BPTF: variants seen among roughly 807,000 people sequenced by gnomAD.
The protein encoded by BPTF is nucleosome-remodeling factor subunit BPTF.
In BPTF, 18 loss-of-function variants were observed where a neutral mutation model predicts 292.5. That is an observed-to-expected ratio of 0.06 (90% CI 0.04 to 0.09). BPTF has a LOEUF of 0.09. Among genes scored for constraint, BPTF ranks in the 10% least tolerant of loss-of-function variants. BPTF has a pLI of 1.00. For synonymous variants in BPTF, 1,225 were observed against 1,251.9 expected (o/e 0.98, Z 0.45); for missense variants, 2,726 against 3,498.7 (o/e 0.78, Z 5.57).
At chr17:67,923,268 G>A (rs546671293) in intron 14 of BPTF, among the ~76,000 whole-genome samples, 1 of 151,878 alleles carries the variant, frequency 6.6e-6, no homozygotes, top group African/African-American at 2.4e-5. Flanking sequence ...ATGTTGTTCA[G>A]GCTGATCTTG....
At chr17:67,968,289 A>G (rs1214919230) in intron 26 of BPTF, among the ~76,000 whole-genome samples, 1 of 151,444 alleles carries the variant, frequency 6.6e-6, no homozygotes, top group Non-Finnish European at 1.5e-5. Flanking sequence ...AAATAAATGA[A>G]AACTATCTCT....
chr17:67,953,188 C>T (rs781931030), intron 23 of BPTF, among the ~76,000 whole-genome samples: 2 of 151,666 alleles, frequency 1.3e-5, no homozygotes, highest in African/African-American at 2.4e-5. Flanking sequence ...GTCTCGATCT[C>T]CTGACCTTGT....
chr17:67,944,617 A>G, intron 20 of BPTF: 2 of 531,122 alleles, frequency 3.8e-6, no homozygotes, highest in South Asian at 4.2e-5. Context: ...GGCAAAAATA[A>G]TGGTTATCTT....
intron 2 of BPTF, 65 bp from the exon 3 acceptor site, chr17:67,866,399 G>A (rs995667501): frequency 4.4e-5 from 56 of 1,273,258 alleles, no homozygotes; most frequent in Non-Finnish European, 5.7e-5. Context: ...TCACTGGGTA[G>A]ATGAACTGTC....
Position 67,829,093 on chromosome 17 carries a change from T to C in BPTF, c.613+2756T>C, listed in dbSNP as rs115531375. On this transcript the variant is annotated intron_variant, in intron 1 of 27. Transcript: ENST00000306378. Reference sequence around the variant, plus strand: ...TTTAGGAAACTAAAAATTGGTCTAATTGTTTTTTGTTTTTGTTTTTTGTTG... The same window carrying C: ...TTTAGGAAACTAAAAATTGGTCTAACTGTTTTTTGTTTTTGTTTTTTGTTG... Among the ~76,000 whole-genome samples the C allele has an allele frequency of 4.4e-3, 648 of 147,174 alleles. 5 individuals carry two copies. Among genetic ancestry groups the C allele is most frequent in the African/African-American group, 0.015 (606 of 41,090 alleles).
At chr17:67,938,374 A>G (rs971841649) in intron 18 of BPTF, among the ~76,000 whole-genome samples, 27 of 152,316 alleles carry the variant, frequency 1.8e-4, no homozygotes, top group Admixed American at 6.5e-5. Context: ...TGGCCACACT[A>G]TGTTATGCTG....
intron 23 of BPTF, among the ~76,000 whole-genome samples, chr17:67,954,818 A>G (rs2066765280): frequency 6.6e-6 from 1 of 152,214 alleles, no homozygotes; most frequent in Admixed American, 6.5e-5. Flanking sequence ...ATGAAACTCA[A>G]GGTTTTCTTT....
intron 6 of BPTF, 65 bp from the exon 7 acceptor site, chr17:67,893,969 C>A: frequency 6.3e-7 from 1 of 1,578,500 alleles, no homozygotes; most frequent in Non-Finnish European, 8.7e-7. Context: ...AAAGTTACAA[C>A]TATTGTGCTT....
At chr17:67,908,499 T>C (rs1353350411) in intron 9 of BPTF, among the ~76,000 whole-genome samples, 1 of 148,666 alleles carries the variant, frequency 6.7e-6, no homozygotes, top group African/African-American at 2.5e-5. Flanking sequence ...CACTTTTTTT[T>C]TTTTTTTTTT....
chr17:67,830,620 T>G (rs1356292103), intron 1 of BPTF, among the ~76,000 whole-genome samples: 4 of 142,646 alleles, frequency 2.8e-5, no homozygotes, highest in South Asian at 2.4e-4. Flanking sequence ...AAAGGCAGAT[T>G]GAGGGAGGGA....
intron 23 of BPTF, among the ~76,000 whole-genome samples, chr17:67,952,937 A>G (rs1276178747): frequency 6.6e-6 from 1 of 152,104 alleles, no homozygotes; most frequent in Non-Finnish European, 1.5e-5. Context: ...CTTTGAATAT[A>G]TCAATAAAGT....
At chr17:67,844,986 A>C (rs918639760) in intron 1 of BPTF, among the ~76,000 whole-genome samples, 1 of 151,488 alleles carries the variant, frequency 6.6e-6, no homozygotes, top group Non-Finnish European at 1.5e-5. Context: ...CAAGTAATCC[A>C]TCCGCCTCAG....
chr17:67,939,771 T>A (rs2065218046), intron 18 of BPTF, among the ~76,000 whole-genome samples: 1 of 152,196 alleles, frequency 6.6e-6, no homozygotes, highest in Admixed American at 6.5e-5. Context: ...TCCCAGCTAC[T>A]CGGGAGGCTC....
chr17:67,909,848 T>TG, intron 10 of BPTF, 87 bp downstream of exon 10: 1 of 1,135,776 alleles, frequency 8.8e-7, no homozygotes, highest in Non-Finnish European at 1.2e-6. Flanking sequence ...TACTGCGTTG[T>TG]GTTTTCTTGA....
intron 6 of BPTF, 131 bp downstream of exon 6, chr17:67,893,856 A>G (rs532389617): frequency 9.9e-5 from 111 of 1,122,104 alleles, no homozygotes; most frequent in Admixed American, 6.9e-4. Flanking sequence ...CAGACAGGAC[A>G]TTAGAGGCAT....
chr17:67,899,926 G>T (rs184002261), intron 7 of BPTF, among the ~76,000 whole-genome samples: 1 of 152,256 alleles, frequency 6.6e-6, no homozygotes, highest in Admixed American at 6.5e-5. Flanking sequence ...TAGCACAAAA[G>T]TATTGATTGC....
At chr17:67,925,814 C>A (rs1441883443) in intron 15 of BPTF, among the ~76,000 whole-genome samples, 1 of 140,378 alleles carries the variant, frequency 7.1e-6, no homozygotes, top group African/African-American at 2.8e-5. Context: ...TACTATAGGT[C>A]CTTATCTTCA....
intron 11 of BPTF, among the ~76,000 whole-genome samples, chr17:67,917,710 G>A (rs1355021304): frequency 1.3e-5 from 2 of 151,972 alleles, no homozygotes; most frequent in Non-Finnish European, 2.9e-5. Context: ...TTGGCTCACT[G>A]CAGCCTCTGC....
intron 8 of BPTF, among the ~76,000 whole-genome samples, chr17:67,904,415 A>G (rs2062042996): frequency 9.2e-5 from 14 of 152,242 alleles, no homozygotes; most frequent in Admixed American, 9.2e-4. Context: ...TTATCTTAGA[A>G]TATTGGAGGC....
Sources: gnomAD v4.1 joint callset for allele counts (sites outside exome capture counted in the v4.1 genomes callset) on GRCh38, gnomAD v4.1.1 for gene constraint, MANE v1.5 for transcripts, NCBI Gene and HGNC (gene_info 2026-07-23, HGNC 2026-07-21) for gene names.